Variants in BFSP2 observed in about 807,000 individuals in gnomAD.
BFSP2 encodes the protein phakinin.
Under a neutral mutation model 44.9 loss-of-function variants are expected in BFSP2, and 38 were observed. The observed-to-expected ratio is 0.85, with a 90% CI of 0.65 to 1.11. The LOEUF (loss-of-function observed/expected upper bound fraction) is 1.11. Ranked by LOEUF, BFSP2 falls within the 50% of genes least tolerant of loss-of-function variation. The pLI is 0.00. For missense variants in BFSP2, 525 were observed against 533.0 expected (o/e 0.99, Z 0.15); for synonymous variants, 197 against 209.9 (o/e 0.94, Z 0.53).
intron 1 of BFSP2, among the ~76,000 whole-genome samples, chr3:133,414,879 CT>C (rs1253540590): frequency 4.8e-5 from 6 of 124,994 alleles, no homozygotes; most frequent in Admixed American, 7.9e-5. Context: ...CCTCTCCCCT[CT>C]ACTCATCCCT....
At chr3:133,425,853 GGAAGGGAAGGGAAGGGAAATAAA>G (rs1246819554) in intron 1 of BFSP2, among the ~76,000 whole-genome samples, 3 of 114,472 alleles carry the variant, frequency 2.6e-5, no homozygotes, top group African/African-American at 4.2e-5. Context: ...AGAAGGGAAA[GGAAGGGAAGGGAAGGGAAATAAA>G]GAAGGGAAGG....
At chr3:133,463,972 A>G (rs1053045205) in intron 4 of BFSP2, among the ~76,000 whole-genome samples, 1 of 152,180 alleles carries the variant, frequency 6.6e-6, no homozygotes, top group African/African-American at 2.4e-5. Context: ...ACATTCCTGA[A>G]AATTTAAAAA....
At chr3:133,463,241 A>G (rs796254995) in intron 4 of BFSP2, among the ~76,000 whole-genome samples, 23 of 152,268 alleles carry the variant, frequency 1.5e-4, no homozygotes, top group African/African-American at 5.3e-4. Context: ...CCTGGGAGGC[A>G]GAGGTTGCGG....
intron 1 of BFSP2, chr3:133,410,362 T>C: frequency 3.0e-6 from 1 of 328,518 alleles, no homozygotes; most frequent in South Asian, 2.7e-5. Context: ...TGACTGTGAC[T>C]CACATAGCAG....
Position 133,472,536 on chromosome 3 carries a change from C to T in BFSP2, c.1215C>T (p.Tyr405=). The part of the protein sequence containing the change: ...KCQLQKDVAS[Y]HALLDREESG The stretch of plus-strand genomic sequence containing the variant: ...AGCTGCAGAAGGACGTGGCGTCCTA[C>T]CACGCCCTGCTGGACAGGGAGGAGA... The change falls in exon 6 of 7, where the codon TAC becomes TAT. Residue 405 remains tyrosine, a synonymous_variant. Transcript: ENST00000302334. 6.2e-7 allele frequency: 1 copy of T among 1,612,430 alleles called. No homozygotes were observed. Among genetic ancestry groups the T allele is most frequent in the Non-Finnish European group, 8.5e-7 (1 of 1,179,966 alleles).
intron 1 of BFSP2, among the ~76,000 whole-genome samples, chr3:133,427,176 T>C (rs1475140694): frequency 6.6e-6 from 1 of 152,226 alleles, no homozygotes; most frequent in African/African-American, 2.4e-5. Flanking sequence ...ATTCTGGGTC[T>C]CCAAGATGGT....
intron 4 of BFSP2, chr3:133,455,597 A>G (rs1321735406): frequency 6.6e-6 from 1 of 152,174 alleles, no homozygotes; most frequent in Non-Finnish European, 1.5e-5. Context: ...AAATCTCTTC[A>G]TCCTTGTCAT....
At chr3:133,426,862 A>G (rs2073658836) in intron 1 of BFSP2, among the ~76,000 whole-genome samples, 1 of 152,214 alleles carries the variant, frequency 6.6e-6, no homozygotes, top group Admixed American at 6.5e-5. Context: ...GGGCAGAGAG[A>G]GAGAAACATC....
At chr3:133,424,869 A>G (rs940426051) in intron 1 of BFSP2, among the ~76,000 whole-genome samples, 6 of 152,086 alleles carry the variant, frequency 3.9e-5, no homozygotes, top group Non-Finnish European at 8.8e-5. Context: ...TCCTAACCTC[A>G]GGTGATCCGC....
intron 4 of BFSP2, among the ~76,000 whole-genome samples, chr3:133,457,950 A>G (rs954764968): frequency 1.3e-5 from 2 of 152,372 alleles, no homozygotes; most frequent in Admixed American, 6.5e-5. Context: ...ATTAGTCACT[A>G]ACATGGTATA....
At chr3:133,432,015 A>G (rs1313066638) in intron 1 of BFSP2, among the ~76,000 whole-genome samples, 2 of 151,446 alleles carry the variant, frequency 1.3e-5, no homozygotes, top group Non-Finnish European at 2.9e-5. Flanking sequence ...ACCCACAAGT[A>G]TGGAACATCT....
chr3:133,434,402 C>A (rs984340750), intron 1 of BFSP2, among the ~76,000 whole-genome samples: 1 of 152,114 alleles, frequency 6.6e-6, no homozygotes, highest in Non-Finnish European at 1.5e-5. Context: ...CCCACGCAGC[C>A]CCTAATCCCG....
chr3:133,430,792 C>T (rs1304943544), intron 1 of BFSP2, among the ~76,000 whole-genome samples: 1 of 152,070 alleles, frequency 6.6e-6, no homozygotes, highest in Non-Finnish European at 1.5e-5. Flanking sequence ...TCTACAGACC[C>T]ATCTGACCTC....
At chr3:133,468,482 G>A (rs1221780236) in intron 5 of BFSP2, among the ~76,000 whole-genome samples, 4 of 152,152 alleles carry the variant, frequency 2.6e-5, no homozygotes, top group African/African-American at 9.7e-5. Flanking sequence ...GGCCTCTGCT[G>A]GGGCTGGAAC....
chr3:133,434,396 C>T (rs954518606), intron 1 of BFSP2, among the ~76,000 whole-genome samples: 4 of 152,280 alleles, frequency 2.6e-5, no homozygotes, highest in African/African-American at 9.6e-5. Flanking sequence ...TAGGTTCCCA[C>T]GCAGCCCCTA....
At chr3:133,424,212 ATTTTTTTTTTT>A (rs112772093) in intron 1 of BFSP2, among the ~76,000 whole-genome samples, 1 of 64,718 alleles carries the variant, frequency 1.5e-5, no homozygotes, top group South Asian at 7.7e-4. Context: ...CGTCCAGCTA[ATTTTTTTTTTT>A]TTTTTTTTTT....
intron 6 of BFSP2, among the ~76,000 whole-genome samples, chr3:133,472,888 C>A (rs1441479279): frequency 1.3e-5 from 2 of 151,786 alleles, no homozygotes; most frequent in East Asian, 1.9e-4. Context: ...TGTAATAGAA[C>A]CTAATTAATG....
intron 1 of BFSP2, among the ~76,000 whole-genome samples, chr3:133,421,023 C>T (rs1335359640): frequency 6.6e-6 from 1 of 152,208 alleles, no homozygotes; most frequent in Non-Finnish European, 1.5e-5. Context: ...AGAATAATCC[C>T]TGTTTCATAG....
At chr3:133,436,834 C>G (rs1375900240) in intron 1 of BFSP2, among the ~76,000 whole-genome samples, 1 of 152,176 alleles carries the variant, frequency 6.6e-6, no homozygotes. Flanking sequence ...CAGTTACCAC[C>G]TATGAGTGAG....
Sources: allele counts gnomAD v4.1 joint callset (sites outside exome capture counted in the v4.1 genomes callset), GRCh38; gene constraint gnomAD v4.1.1; transcripts MANE v1.5; gene names NCBI Gene and HGNC (gene_info 2026-07-23, HGNC 2026-07-21).